Variants in NXPH1 observed in about 807,000 individuals in gnomAD.
NXPH1 encodes the protein neurexophilin 1.
In NXPH1, 5 loss-of-function variants were observed where a neutral mutation model predicts 23.7. That is an observed-to-expected ratio of 0.21 (90% CI 0.11 to 0.44). NXPH1 has a LOEUF of 0.44. Among genes scored for constraint, NXPH1 ranks in the 20% least tolerant of loss-of-function variants. NXPH1 has a pLI of 0.99. For missense variants in NXPH1, 324 were observed against 321.6 expected, an observed-to-expected ratio of 1.01 and a Z score of -0.06; for synonymous variants, 144 against 122.2, an observed-to-expected ratio of 1.18 and a Z score of -1.18.
chr7:8,650,679 C>T (rs1445607189), intron 2 of NXPH1, among the ~76,000 whole-genome samples: 1 of 152,126 alleles, frequency 6.6e-6, no homozygotes, highest in Non-Finnish European at 1.5e-5. Context: ...CTTTAGTTGC[C>T]ACATGGCAAC....
At chr7:8,506,934 C>G (rs1292051027) in intron 2 of NXPH1, among the ~76,000 whole-genome samples, 1 of 151,970 alleles carries the variant, frequency 6.6e-6, no homozygotes, top group African/African-American at 2.4e-5. Context: ...CCCTGAAGGG[C>G]TTTCAGTGTG....
intron 2 of NXPH1, among the ~76,000 whole-genome samples, chr7:8,740,608 G>T (rs1780344923): frequency 1.3e-5 from 2 of 152,142 alleles, no homozygotes; most frequent in Non-Finnish European, 2.9e-5. Flanking sequence ...GAGCCATGAA[G>T]CTCCTTTTCT....
chr7:8,691,505 T>C (rs1230869754), intron 2 of NXPH1, among the ~76,000 whole-genome samples: 1 of 152,202 alleles, frequency 6.6e-6, no homozygotes, highest in Non-Finnish European at 1.5e-5. Context: ...ATTTACACAA[T>C]TTGGTATTGG....
chr7:8,676,894 C>T (rs1003744325), intron 2 of NXPH1, among the ~76,000 whole-genome samples: 1 of 152,146 alleles, frequency 6.6e-6, no homozygotes, highest in Non-Finnish European at 1.5e-5. Flanking sequence ...GACTTCTGAA[C>T]CAAATATGTT....
intron 2 of NXPH1, among the ~76,000 whole-genome samples, chr7:8,681,189 T>C (rs1583228056): frequency 6.6e-6 from 1 of 152,232 alleles, no homozygotes; most frequent in East Asian, 1.9e-4. Context: ...AGAGCTATAA[T>C]AATAAAAATC....
At chr7:8,441,721 T>C (rs902168722) in intron 2 of NXPH1, among the ~76,000 whole-genome samples, 1 of 152,180 alleles carries the variant, frequency 6.6e-6, no homozygotes, top group Non-Finnish European at 1.5e-5. Context: ...ATAATATATT[T>C]TGGCGGCTTC....
chr7:8,674,798 GC>G (rs1820923455), intron 2 of NXPH1, among the ~76,000 whole-genome samples: 1 of 151,832 alleles, frequency 6.6e-6, no homozygotes, highest in Non-Finnish European at 1.5e-5. Context: ...CTCTCTGGAG[GC>G]CTATCACAGA....
intron 2 of NXPH1, among the ~76,000 whole-genome samples, chr7:8,626,740 ACT>A (rs1481799997): frequency 6.6e-6 from 1 of 151,686 alleles, no homozygotes; most frequent in Non-Finnish European, 1.5e-5. Flanking sequence ...GGCATATTTC[ACT>A]CTGATTTTAT....
chr7:8,655,525 C>G (rs1231155617), intron 2 of NXPH1, among the ~76,000 whole-genome samples: 8 of 150,922 alleles, frequency 5.3e-5, no homozygotes, highest in Non-Finnish European at 1.0e-4. Context: ...CGCACACATG[C>G]TTTCATGGTA....
At chr7:8,662,857 A>G (rs148797322) in intron 2 of NXPH1, among the ~76,000 whole-genome samples, 1 of 152,214 alleles carries the variant, frequency 6.6e-6, no homozygotes, top group Non-Finnish European at 1.5e-5. Flanking sequence ...AATACGTGTC[A>G]TTATTCAATG....
At chr7:8,531,575 C>A (rs1817950311) in intron 2 of NXPH1, among the ~76,000 whole-genome samples, 1 of 152,128 alleles carries the variant, frequency 6.6e-6, no homozygotes, top group Non-Finnish European at 1.5e-5. Flanking sequence ...CTTACTAACA[C>A]CTGATGAGCA....
chr7:8,714,227 C>T (rs1562462887), intron 2 of NXPH1, among the ~76,000 whole-genome samples: 5 of 152,036 alleles, frequency 3.3e-5, no homozygotes, highest in South Asian at 4.1e-4. Flanking sequence ...CACCATAGGC[C>T]CATGGAGAGT....
intron 2 of NXPH1, among the ~76,000 whole-genome samples, chr7:8,451,753 A>AT (rs1190868212): frequency 6.6e-6 from 1 of 152,220 alleles, no homozygotes; most frequent in African/African-American, 2.4e-5. Flanking sequence ...GGTTTGGATG[A>AT]TTAAATTATA....
chr7:8,657,308 A>G (rs1226601375), intron 2 of NXPH1, among the ~76,000 whole-genome samples: 1 of 152,250 alleles, frequency 6.6e-6, no homozygotes, highest in Non-Finnish European at 1.5e-5. Flanking sequence ...GAGAGGAATC[A>G]TTGTAGGTGG....
chr7:8,577,001 C>T (rs1818767682), intron 2 of NXPH1, among the ~76,000 whole-genome samples: 1 of 151,638 alleles, frequency 6.6e-6, no homozygotes, highest in Admixed American at 6.6e-5. Context: ...AGAAACAAGG[C>T]CAAAGAAAAT....
chr7:8,565,512 A>G (rs545811308), intron 2 of NXPH1, among the ~76,000 whole-genome samples: 1 of 151,936 alleles, frequency 6.6e-6, no homozygotes, highest in South Asian at 2.1e-4. Context: ...CATAAATATA[A>G]AGGAGAGAGG....
intron 2 of NXPH1, among the ~76,000 whole-genome samples, chr7:8,666,646 G>C (rs993629110): frequency 1.3e-5 from 2 of 152,036 alleles, no homozygotes; most frequent in East Asian, 1.9e-4. Flanking sequence ...CAGCAGTAAA[G>C]CCATCAAGTC....
intron 2 of NXPH1, among the ~76,000 whole-genome samples, chr7:8,474,902 C>T (rs1258038922): frequency 1.3e-5 from 2 of 152,054 alleles, no homozygotes; most frequent in Non-Finnish European, 2.9e-5. Flanking sequence ...CTGGTTGGTT[C>T]TTCTAAGTAC....
chr7:8,438,908 A>T (rs916644954), intron 2 of NXPH1, among the ~76,000 whole-genome samples: 1 of 152,202 alleles, frequency 6.6e-6, no homozygotes, highest in African/African-American at 2.4e-5. Flanking sequence ...AACTAATTAG[A>T]TATGTGCCCA....
Sources: gnomAD v4.1 joint callset for allele counts (sites outside exome capture counted in the v4.1 genomes callset) on GRCh38, gnomAD v4.1.1 for gene constraint, MANE v1.5 for transcripts, NCBI Gene and HGNC (gene_info 2026-07-23, HGNC 2026-07-21) for gene names.